Variants in YPEL3 observed in about 807,000 individuals in gnomAD.
YPEL3 encodes the protein yippee like 3.
In YPEL3, 5 loss-of-function variants were observed where a neutral mutation model predicts 17.5. The observed-to-expected ratio is 0.29, with a 90% CI of 0.15 to 0.60. The LOEUF (loss-of-function observed/expected upper bound fraction) is 0.60. YPEL3 is among the 20% of genes least tolerant of loss of function. The probability of loss-of-function intolerance (pLI) is 0.87; values close to 1 mark genes in which losing one functional copy is unlikely to be tolerated. For synonymous variants in YPEL3, 87 were observed against 87.2 expected (o/e 1.00, Z 0.01); for missense variants, 155 against 211.4 (o/e 0.73, Z 1.65).
rs753339615 is a variant in YPEL3, at chr16:30,095,390, C to A, written c.93G>T (p.Gly31=). ...CCATGGCGGGGGCCGGGGGCAGTGGCCCCACGCGGGGAGCGGCCCACGGGG... is the reference window on the plus strand; with the variant it reads ...CCATGGCGGGGGCCGGGGGCAGTGGACCCACGCGGGGAGCGGCCCACGGGG... ...LCSPWAAPRV[G]PLPPAPAMVR... The change falls in exon 1 of 4, where the codon GGG becomes GGT. Residue 31 remains glycine, a synonymous_variant. Transcript: ENST00000398841. This position sits in a 1 kb window ranked among gnomAD's most constrained non-coding sequence, Gnocchi z 5.4. 1.2e-6 allele frequency: 2 copies of A among 1,612,914 alleles called. No homozygotes were observed. Among genetic ancestry groups the A allele is most frequent in the Non-Finnish European group, 1.7e-6 (2 of 1,179,432 alleles).
chr16:30,095,566 G>T lies in YPEL3; in HGVS notation c.-84C>A. ...TCCCCAGAGCCAGCAGCCTCTCCGG[G>T]GACCAGAGGCGTCTCGGTTTTGACT... On this transcript the variant is annotated 5_prime_UTR_variant, in exon 1 of 4. Coordinates refer to ENST00000398841, the MANE Select transcript of YPEL3 (RefSeq NM_031477.5). This position sits in a 1 kb window ranked among gnomAD's most constrained non-coding sequence, Gnocchi z 5.4. The T allele has an allele frequency of 8.2e-7, 1 of 1,216,836 alleles. No individual in the cohort carries two copies. Among genetic ancestry groups the T allele is most frequent in the Non-Finnish European group, 1.1e-6 (1 of 901,290 alleles). The allele number at this position is 1,216,836 out of a possible 1,614,324, so 75.4% of individuals were successfully genotyped here.
In YPEL3 at chr16:30,095,120, G is replaced by A; in HGVS notation, c.258C>T (p.Ala86=). The change falls in exon 2 of 4, where the codon GCC becomes GCT. Residue 86 remains alanine (A), a synonymous_variant. Coordinates refer to ENST00000398841, the MANE Select transcript of YPEL3 (RefSeq NM_031477.5). The surrounding 1 kb of genome is among the most constrained non-coding windows in gnomAD (Gnocchi z 5.4). ...ATACTCACACTGAGTTGAAGAGGTA[G>A]GCACGCCCCTGACTGCCCTGGAAGG... ...SKSFQGSQGR[A]YLFNSVVNVG... is the part of the protein sequence containing the mutation. 1 of 1,614,160 alleles carries A rather than the reference G, an allele frequency of 6.2e-7. No homozygotes were observed.
At chr16:30,092,852 C>G in intron 3 of YPEL3, 53 bp from the exon 4 acceptor site, 1 of 1,545,808 alleles carries the variant, frequency 6.5e-7, no homozygotes, top group Non-Finnish European at 8.9e-7. Context: ...CACCACAAGG[C>G]ACTGGGGTTG....
intron 2 of YPEL3, 25 bp from the exon 3 acceptor site, chr16:30,094,922 G>A (rs565151468): frequency 1.2e-6 from 2 of 1,607,614 alleles, no homozygotes; most frequent in East Asian, 2.2e-5. Flanking sequence ...GGTAGTCCCA[G>A]GGAGGGTCCT....
rs2072782162 is a variant in YPEL3 at position 30,095,412 on chromosome 16, G to A, written c.71C>T (p.Pro24Leu). 23 of 1,608,656 alleles carry A rather than the reference G, an allele frequency of 1.4e-5. No individual in the cohort carries two copies. The highest frequency in any genetic ancestry group is 2.0e-5 in the Non-Finnish European group (23 of 1,177,376). Residue 24 changes from proline to leucine, a missense_variant, in exon 1 of 4, where the codon CCG (proline) becomes CTG (leucine). Pro to Leu is a moderately conservative substitution (Grantham distance 98, BLOSUM62 -3). Transcript: ENST00000398841. The surrounding 1 kb of genome is among the most constrained non-coding windows in gnomAD (Gnocchi z 5.4). ...PRQALGSLCS[P>L]WAAPRVGPLP... ...TGGCCCCACGCGGGGAGCGGCCCAC[G>A]GGGAGCAGAGGGAGCCCAGTGCCTG...
chr16:30,092,552 CAAGGT>C lies in YPEL3; in HGVS notation c.*153_*157del. ...CGTCGTCCCCCTTCTGTTCTCCCCCCAAGGTCACAGTGCATGCAATAAAATATATA... is the reference window on the plus strand; with the variant it reads ...CGTCGTCCCCCTTCTGTTCTCCCCCCCACAGTGCATGCAATAAAATATATA... On this transcript the variant is annotated 3_prime_UTR_variant, in exon 4 of 4. Transcript: ENST00000398841. 4 of 628,746 alleles carry C rather than the reference CAAGGT, an allele frequency of 6.4e-6. No homozygotes were observed. In the South Asian group the frequency reaches 8.6e-5, roughly 13 times the overall value. The allele number at this position is 628,746 out of a possible 1,614,324, so 38.9% of individuals were successfully genotyped here.
chr16:30,094,733 G>A (rs1227334991), intron 3 of YPEL3, 56 bp downstream of exon 3: 12 of 1,486,350 alleles, frequency 8.1e-6, no homozygotes, highest in Non-Finnish European at 1.0e-5. Context: ...TTGTCAGGAG[G>A]AGGTGTTGGA....
Position 30,095,574 on chromosome 16 carries a change from G to T in YPEL3, c.-92C>A. ...GCCAGCAGCCTCTCCGGGGACCAGA[G>T]GCGTCTCGGTTTTGACTCAGTGAGG... On this transcript the variant is annotated 5_prime_UTR_variant, in exon 1 of 4. Transcript: ENST00000398841. This position sits in a 1 kb window ranked among gnomAD's most constrained non-coding sequence, Gnocchi z 5.4. The T allele has an allele frequency of 8.5e-7, 1 of 1,182,492 alleles. No individual in the cohort carries two copies. Among genetic ancestry groups the T allele is most frequent in the Non-Finnish European group, 1.1e-6 (1 of 870,896 alleles). The allele number at this position is 1,182,492 out of a possible 1,614,324, so 73.2% of individuals were successfully genotyped here. A position where few individuals can be genotyped will look rare whatever the true frequency, so the allele number is the denominator to read the frequency against.
Position 30,095,703 on chromosome 16 carries a change from G to A in YPEL3, c.-221C>T. On this transcript the variant is annotated 5_prime_UTR_variant, in exon 1 of 4. An upstream open reading frame in the 5' UTR gains an earlier in-frame stop. Coordinates refer to ENST00000398841, the MANE Select transcript of YPEL3 (RefSeq NM_031477.5). This position sits in a 1 kb window ranked among gnomAD's most constrained non-coding sequence, Gnocchi z 5.4. ...CCTTGCTGACCTGGCAGCTGAAGCT[G>A]GAGGAAGGGGCTTTGGAGGGGCTGG... 7.8e-6 allele frequency: 4 copies of A among 516,122 alleles called. No individual in the cohort carries two copies. The East Asian group carries it at 8.9e-5, about 11-fold the overall frequency. The allele number at this position is 516,122 out of a possible 1,614,324, so 32.0% of individuals were successfully genotyped here.
intron 3 of YPEL3, 144 bp from the exon 4 acceptor site, chr16:30,092,943 A>G: frequency 1.5e-6 from 1 of 645,978 alleles, no homozygotes; most frequent in Non-Finnish European, 2.7e-6. Flanking sequence ...TCACAAACAC[A>G]GAGTAGAATA....
chr16:30,095,259 A>G lies in YPEL3; in HGVS notation c.224T>C (p.Ile75Thr). 1 of 1,614,108 alleles carries G rather than the reference A, an allele frequency of 6.2e-7. No homozygotes were observed. The change falls in exon 1 of 4, where the codon ATC (isoleucine) becomes ACC (threonine). Residue 75 changes from isoleucine (I) to threonine (T), a missense_variant. Physicochemically the swap from Ile to Thr is moderately conservative, Grantham distance 89. Transcript: ENST00000398841. This position sits in a 1 kb window ranked among gnomAD's most constrained non-coding sequence, Gnocchi z 5.4. Reference sequence around the variant, plus strand: ...TGTGGCCTGGTTGGTTACCTTGGAGATGAGGTCGTCGTGGTTGGCCAGGTG... The same window carrying G: ...TGTGGCCTGGTTGGTTACCTTGGAGGTGAGGTCGTCGTGGTTGGCCAGGTG... ...RAHLANHDDL[I>T]SKSFQGSQGR...
rs927114439 is a variant in YPEL3 at position 30,095,728 on chromosome 16, G to A, written c.-246C>T. ...GGAGGAAGGGGCTTTGGAGGGGCTGGGCTGTCAGTTCCCAGTTTCGGGGGA... is the reference window on the plus strand; with the variant it reads ...GGAGGAAGGGGCTTTGGAGGGGCTGAGCTGTCAGTTCCCAGTTTCGGGGGA... On this transcript the variant is annotated 5_prime_UTR_variant, in exon 1 of 4. Coordinates refer to ENST00000398841, the MANE Select transcript of YPEL3 (RefSeq NM_031477.5). This position sits in a 1 kb window ranked among gnomAD's most constrained non-coding sequence, Gnocchi z 5.4. 1.0e-5 allele frequency: 5 copies of A among 490,506 alleles called. No individual in the cohort carries two copies. The highest frequency in any genetic ancestry group is 3.6e-6 in the Non-Finnish European group (1 of 277,914). The allele number at this position is 490,506 out of a possible 1,614,324, so 30.4% of individuals were successfully genotyped here. A position where few individuals can be genotyped will look rare whatever the true frequency, so the allele number is the denominator to read the frequency against.
At position 30,095,933 on chromosome 16, in the gene YPEL3, C is replaced by T. The variant is rs1596863105; in HGVS notation, c.-451G>A. ...GGGCTCTCACCTGCGGGCGCCAAGG[C>T]CTCCTCTACGCTCAGGGGCTCTTAC... On this transcript the variant is annotated 5_prime_UTR_variant, in exon 1 of 4. Coordinates refer to ENST00000398841, the MANE Select transcript of YPEL3 (RefSeq NM_031477.5). This position sits in a 1 kb window ranked among gnomAD's most constrained non-coding sequence, Gnocchi z 5.4. 1 of 160,320 alleles carries T rather than the reference C, an allele frequency of 6.2e-6. No homozygotes were observed. The highest frequency in any genetic ancestry group is 1.4e-5 in the Non-Finnish European group (1 of 73,418). 9.9% of individuals were successfully genotyped at this position (160,320 alleles called of 1,614,324 possible).
Position 30,095,578 on chromosome 16 carries a change from T to C in YPEL3, c.-96A>G, listed in dbSNP as rs1292235335. On this transcript the variant is annotated 5_prime_UTR_variant, in exon 1 of 4. Transcript: ENST00000398841. The surrounding 1 kb of genome is among the most constrained non-coding windows in gnomAD (Gnocchi z 5.4). ...GCAGCCTCTCCGGGGACCAGAGGCG[T>C]CTCGGTTTTGACTCAGTGAGGAGGC... 2 of 1,145,584 alleles carry C rather than the reference T, an allele frequency of 1.7e-6. No homozygotes were observed. Among genetic ancestry groups the C allele is most frequent in the African/African-American group, 3.1e-5 (2 of 63,954 alleles). The allele number at this position is 1,145,584 out of a possible 1,614,324, so 71.0% of individuals were successfully genotyped here. A position where few individuals can be genotyped will look rare whatever the true frequency, so the allele number is the denominator to read the frequency against.
Position 30,092,335 on chromosome 16 carries a change from T to C in YPEL3, c.*375A>G. On this transcript the variant is annotated 3_prime_UTR_variant, in exon 4 of 4. Coordinates refer to ENST00000398841, the MANE Select transcript of YPEL3 (RefSeq NM_031477.5). ...GAGCTGTCTCCACTCCATTGTTTTATTATGTACAAACGCTACAGAACGAGG... is the reference window on the plus strand; with the variant it reads ...GAGCTGTCTCCACTCCATTGTTTTACTATGTACAAACGCTACAGAACGAGG... The C allele has an allele frequency of 4.6e-6, 1 of 216,804 alleles. No homozygotes were observed. Among genetic ancestry groups the C allele is most frequent in the Non-Finnish European group, 9.5e-6 (1 of 105,624 alleles). 13.4% of individuals were successfully genotyped at this position (216,804 alleles called of 1,614,324 possible). A position where few individuals can be genotyped will look rare whatever the true frequency, so the allele number is the denominator to read the frequency against.
intron 3 of YPEL3, chr16:30,094,530 T>TA (rs1286494922): frequency 1.9e-6 from 1 of 514,238 alleles, no homozygotes; most frequent in African/African-American, 1.9e-5. Flanking sequence ...GCAAGGCACA[T>TA]AAACATTCCA....
chr16:30,093,879 T>G (rs13330491), intron 3 of YPEL3: 5 of 152,350 alleles, frequency 3.3e-5, no homozygotes, highest in Admixed American at 1.3e-4. Flanking sequence ...TGAGCCACTG[T>G]GCCTGGCCGG....
rs546543217 is a variant in YPEL3, at chr16:30,095,091, C to A, written c.275+12G>T. Reference sequence around the variant, plus strand: ...AGGTCAGGGAAAGCAAGAAGGGAGGCCAGATACTCACACTGAGTTGAAGAG... The same window carrying A: ...AGGTCAGGGAAAGCAAGAAGGGAGGACAGATACTCACACTGAGTTGAAGAG... On this transcript the variant is annotated intron_variant, in intron 2 of 3. Coordinates refer to ENST00000398841, the MANE Select transcript of YPEL3 (RefSeq NM_031477.5). The surrounding 1 kb of genome is among the most constrained non-coding windows in gnomAD (Gnocchi z 5.4). 2 of 1,614,020 alleles carry A rather than the reference C, an allele frequency of 1.2e-6. No homozygotes were observed. Among genetic ancestry groups the A allele is most frequent in the Admixed American group, 1.7e-5 (1 of 60,022 alleles).
At chr16:30,093,080 TACA>T (rs2072752249) in intron 3 of YPEL3, among the ~76,000 whole-genome samples, 1 of 152,366 alleles carries the variant, frequency 6.6e-6, no homozygotes, top group South Asian at 2.1e-4. Context: ...CATTTTGGCC[TACA>T]ACATGTATTA....
Sources: allele counts gnomAD v4.1 joint callset (sites outside exome capture counted in the v4.1 genomes callset), GRCh38; gene constraint gnomAD v4.1.1; non-coding constraint Gnocchi (gnomAD v3.1); transcripts MANE v1.5; gene names NCBI Gene and HGNC (gene_info 2026-07-23, HGNC 2026-07-21).